The following PRKG1 variants were observed in gnomAD, a reference collection of about 807,000 sequenced individuals.
PRKG1 encodes the protein cGMP-dependent protein kinase 1.
PRKG1 carries 35 observed loss-of-function variants against 88.1 expected under a neutral mutation model. That is an observed-to-expected ratio of 0.40 (90% CI 0.30 to 0.53). The LOEUF (loss-of-function observed/expected upper bound fraction) is 0.53. Ranked by LOEUF, PRKG1 falls within the 20% of genes least tolerant of loss-of-function variation. The probability of loss-of-function intolerance (pLI) is 0.59; values close to 1 mark genes in which losing one functional copy is unlikely to be tolerated. For missense variants in PRKG1, 540 were observed against 839.8 expected (o/e 0.64, Z 4.41); for synonymous variants, 303 against 292.5 (o/e 1.04, Z -0.37).
At position 52,103,299 on chromosome 10, in the gene PRKG1, A is replaced by T. The variant is rs533723908; in HGVS notation, c.936-30541A>T. Among the ~76,000 whole-genome samples the T allele has an allele frequency of 3.9e-5, 6 of 152,096 alleles. No homozygotes were observed. The South Asian group carries it at 1.0e-3, about 26-fold the overall frequency. ...TCAAAAAAGTCAGACAGAAATTACA[A>T]TGTATTTCCATAAAGTTACACTGTG... is the stretch of plus-strand genomic sequence containing the variant. On this transcript the variant is annotated intron_variant, in intron 7 of 17. Coordinates refer to ENST00000373980, the MANE Select transcript of PRKG1 (RefSeq NM_006258.4).
chr10:52,246,639 G>A (rs984877629), intron 9 of PRKG1, among the ~76,000 whole-genome samples: 3 of 152,066 alleles, frequency 2.0e-5, no homozygotes, highest in Admixed American at 6.5e-5. Context: ...CACTTTGGGA[G>A]GCCGAGGCAG....
intron 1 of PRKG1, among the ~76,000 whole-genome samples, chr10:51,138,400 A>T (rs2131949648): frequency 6.6e-6 from 1 of 152,202 alleles, no homozygotes; most frequent in East Asian, 1.9e-4. Flanking sequence ...AAATGAGTCA[A>T]CATATGATTA....
intron 3 of PRKG1, among the ~76,000 whole-genome samples, chr10:51,621,007 G>GTA (rs370817382): frequency 0.062 from 7,513 of 122,040 alleles, 295 homozygotes; most frequent in Middle Eastern, 0.17. Context: ...GTGTATATGT[G>GTA]TGTATATATA....
intron 2 of PRKG1, among the ~76,000 whole-genome samples, chr10:51,363,410 A>G (rs953791382): frequency 1.3e-5 from 2 of 151,958 alleles, no homozygotes; most frequent in Non-Finnish European, 2.9e-5. Context: ...AAGATTGTGA[A>G]TATCAGCTGA....
chr10:51,721,221 A>AAAG (rs1230465275), intron 3 of PRKG1, among the ~76,000 whole-genome samples: 2 of 151,202 alleles, frequency 1.3e-5, no homozygotes, highest in African/African-American at 4.9e-5. Context: ...TTAAAAAAAA[A>AAAG]AAAAAAAAAA....
At chr10:51,927,851 G>A (rs1386318514) in intron 5 of PRKG1, among the ~76,000 whole-genome samples, 2 of 152,198 alleles carry the variant, frequency 1.3e-5, no homozygotes, top group African/African-American at 2.4e-5. Flanking sequence ...GCAGGAGTCA[G>A]CAAATTGTTT....
At chr10:52,151,697 T>G (rs1198111585) in intron 8 of PRKG1, among the ~76,000 whole-genome samples, 1 of 152,186 alleles carries the variant, frequency 6.6e-6, no homozygotes, top group Non-Finnish European at 1.5e-5. Flanking sequence ...TAAGTATAGT[T>G]GAGAGATATT....
intron 3 of PRKG1, among the ~76,000 whole-genome samples, chr10:51,700,038 ATAGTT>A (rs1363218246): frequency 4.6e-5 from 7 of 152,276 alleles, no homozygotes; most frequent in African/African-American, 1.2e-4. Flanking sequence ...TTATTATAGT[ATAGTT>A]AAGCTAGATT....
chr10:51,917,929 C>A (rs1468925480), intron 5 of PRKG1, among the ~76,000 whole-genome samples: 4 of 152,124 alleles, frequency 2.6e-5, no homozygotes, highest in African/African-American at 9.7e-5. Context: ...GTGAACATAA[C>A]TTGAGATATA....
chr10:51,632,392 T>C (rs1321417262), intron 3 of PRKG1, among the ~76,000 whole-genome samples: 2 of 152,210 alleles, frequency 1.3e-5, no homozygotes, highest in African/African-American at 2.4e-5. Flanking sequence ...ATTATGTAAA[T>C]AGGACTTTGA....
At chr10:51,929,390 G>T (rs1842643145) in intron 5 of PRKG1, among the ~76,000 whole-genome samples, 1 of 144,714 alleles carries the variant, frequency 6.9e-6, no homozygotes, top group African/African-American at 2.6e-5. Flanking sequence ...TCATTCGGTG[G>T]CCCAGGCTGG....
chr10:51,095,485 G>C (rs1456943806), intron 1 of PRKG1, among the ~76,000 whole-genome samples: 1 of 152,114 alleles, frequency 6.6e-6, no homozygotes, highest in East Asian at 1.9e-4. Flanking sequence ...TAGTTGCCTT[G>C]AAGAGTAAAG....
chr10:51,975,590 G>C (rs80296314), intron 5 of PRKG1, among the ~76,000 whole-genome samples: 16,961 of 152,074 alleles, frequency 0.11, 1,084 homozygotes, highest in South Asian at 0.25. Flanking sequence ...GTGTGCAAAT[G>C]TATGTATATT....
chr10:51,616,918 C>G (rs1040828982), intron 3 of PRKG1, among the ~76,000 whole-genome samples: 1 of 152,148 alleles, frequency 6.6e-6, no homozygotes, highest in Non-Finnish European at 1.5e-5. Context: ...GTAGCCCATA[C>G]TTTGCTTGTG....
rs1838095117 is a variant in PRKG1 at position 52,156,326 on chromosome 10, TCAGCTACTCATTACTTC to T, written c.1002-5562_1002-5546del. ...CTATAGCCTTCCTTCTGATAAGCAT[TCAGCTACTCATTACTTC>T]TCACGTTCGTATTATAAGTCTTTGT... On this transcript the variant is annotated intron_variant, in intron 8 of 17. Coordinates refer to ENST00000373980, the MANE Select transcript of PRKG1 (RefSeq NM_006258.4). Among the ~76,000 whole-genome samples, 4 of 152,002 alleles carry T rather than the reference TCAGCTACTCATTACTTC, an allele frequency of 2.6e-5. 1 individual carries two copies. In the South Asian group the frequency reaches 8.3e-4, roughly 31 times the overall value.
At chr10:51,876,021 T>C (rs1841291104) in intron 4 of PRKG1, among the ~76,000 whole-genome samples, 4 of 152,080 alleles carry the variant, frequency 2.6e-5, no homozygotes, top group Admixed American at 2.6e-4. Context: ...GGTTTGGGCT[T>C]AGAACATGGG....
chr10:52,176,175 T>C (rs1202219889), intron 9 of PRKG1, among the ~76,000 whole-genome samples: 15 of 75,958 alleles, frequency 2.0e-4, no homozygotes, highest in African/African-American at 5.5e-4. Context: ...CTTTTTCTCT[T>C]TTTTTTTTTT....
chr10:51,304,463 C>G (rs1840979851), intron 2 of PRKG1, among the ~76,000 whole-genome samples: 2 of 151,710 alleles, frequency 1.3e-5, no homozygotes, highest in South Asian at 4.2e-4. Context: ...CCCAGAGACA[C>G]TTTATTTATT....
At chr10:52,083,794 AT>A (rs1846840678) in intron 7 of PRKG1, among the ~76,000 whole-genome samples, 1 of 152,044 alleles carries the variant, frequency 6.6e-6, no homozygotes, top group South Asian at 2.1e-4. Flanking sequence ...GATTTATTTT[AT>A]GTTAAACCTG....
Sources: allele counts gnomAD v4.1 joint callset (sites outside exome capture counted in the v4.1 genomes callset), GRCh38; gene constraint gnomAD v4.1.1; transcripts MANE v1.5; gene names NCBI Gene and HGNC (gene_info 2026-07-23, HGNC 2026-07-21).